ELL2: variants seen among roughly 807,000 people sequenced by gnomAD.
ELL2 encodes the protein elongation factor for RNA polymerase II 2.
In ELL2, 21 loss-of-function variants were observed where a neutral mutation model predicts 72.8. The ratio of observed to expected loss-of-function variants is 0.29; its 90% confidence interval spans 0.20 to 0.42. The LOEUF is 0.42. Among genes scored for constraint, ELL2 ranks in the 10% least tolerant of loss-of-function variants. The pLI, the probability that ELL2 is intolerant of heterozygous loss-of-function variation, is 1.00. For missense variants in ELL2, 568 were observed against 772.8 expected, an observed-to-expected ratio of 0.73 and a Z score of 3.14; for synonymous variants, 266 against 283.2, an observed-to-expected ratio of 0.94 and a Z score of 0.61.
intron 3 of ELL2, among the ~76,000 whole-genome samples, chr5:95,915,534 G>A (rs6889029): frequency 0.33 from 49,464 of 152,152 alleles, 8,688 homozygotes; most frequent in African/African-American, 0.47. Flanking sequence ...GTGTGAAGCA[G>A]AGAGGTTGTG....
intron 9 of ELL2, 47 bp from the exon 10 acceptor site, chr5:95,891,321 A>T (rs759279405): frequency 6.5e-6 from 10 of 1,549,800 alleles, no homozygotes; most frequent in African/African-American, 1.4e-5. Context: ...AATAAACATG[A>T]TTGCACAAGT....
Position 95,887,562 on chromosome 5 carries a change from A to G in ELL2, c.*1309T>C, listed in dbSNP as rs1018658427. On this transcript the variant is annotated 3_prime_UTR_variant, in exon 12 of 12. Transcript: ENST00000237853. Reference sequence around the variant, plus strand: ...GAATCAACATTAATTCAAAATCCTTATATTTTTGACCACATAACTTATGTT... The same window carrying G: ...GAATCAACATTAATTCAAAATCCTTGTATTTTTGACCACATAACTTATGTT... 6.6e-6 allele frequency: 1 copy of G among 152,652 alleles called. No individual in the cohort carries two copies. Among genetic ancestry groups the G allele is most frequent in the African/African-American group, 2.4e-5 (1 of 41,462 alleles). The allele number at this position is 152,652 out of a possible 1,614,324, so 9.5% of individuals were successfully genotyped here.
At chr5:95,919,695 C>T in intron 2 of ELL2, 150 bp from the exon 3 acceptor site, 1 of 899,510 alleles carries the variant, frequency 1.1e-6, no homozygotes, top group Non-Finnish European at 1.6e-6. Flanking sequence ...AATGACCAAA[C>T]AATTCAAGGA....
At position 95,907,294 on chromosome 5, in the gene ELL2, A is replaced by ATTTTTTTTTTTTTTTT. The variant is rs201354039; in HGVS notation, c.482-513_482-512insAAAAAAAAAAAAAAAA. ...CCGTTAGTGATATATATATATATAT[A>ATTTTTTTTTTTTTTTT]TATTTTTTTTTTTTACAGGCCAAGA... On this transcript the variant is annotated intron_variant, in intron 4 of 11. Transcript: ENST00000237853. Among the ~76,000 whole-genome samples the ATTTTTTTTTTTTTTTT allele has an allele frequency of 3.5e-3, 278 of 79,480 alleles. 1 individual carries two copies. Among genetic ancestry groups the ATTTTTTTTTTTTTTTT allele is most frequent in the South Asian group, 0.029 (59 of 2,042 alleles). The allele number at this position is 79,480 out of a possible 152,430, so 52.1% of individuals were successfully genotyped here.
intron 9 of ELL2, among the ~76,000 whole-genome samples, chr5:95,894,314 T>C (rs905626537): frequency 1.3e-5 from 2 of 152,216 alleles, no homozygotes; most frequent in African/African-American, 4.8e-5. Flanking sequence ...GGCAAAAGTT[T>C]AGCATTGTTT....
chr5:95,949,701 A>C (rs1394327488), intron 1 of ELL2, among the ~76,000 whole-genome samples: 1 of 65,450 alleles, frequency 1.5e-5, no homozygotes, highest in Non-Finnish European at 2.6e-5. Context: ...AAGATACTGC[A>C]AAAAAAAAAA....
chr5:95,940,949 T>C (rs1750945801), intron 2 of ELL2, among the ~76,000 whole-genome samples: 2 of 151,748 alleles, frequency 1.3e-5, no homozygotes, highest in Admixed American at 1.3e-4. Context: ...CCCAAAGAGC[T>C]GGGGAGAGCT....
chr5:95,900,940 G>A lies in ELL2; in HGVS notation c.866+16C>T. The A allele has an allele frequency of 1.3e-6, 2 of 1,577,166 alleles. No individual in the cohort carries two copies. Among genetic ancestry groups the A allele is most frequent in the Non-Finnish European group, 1.7e-6 (2 of 1,170,468 alleles). ...TAAAGAAACATTTTTTTAAAAGCAA[G>A]AAAAAAAGAATTCACCTAGAGAGCA... On this transcript the variant is annotated intron_variant, in intron 6 of 11. Transcript: ENST00000237853.
At chr5:95,906,864 T>G in intron 4 of ELL2, 82 bp from the exon 5 acceptor site, 1 of 1,354,500 alleles carries the variant, frequency 7.4e-7, no homozygotes, top group South Asian at 1.9e-5. Flanking sequence ...CTGATTTAGG[T>G]ACCTCTTCAT....
intron 1 of ELL2, among the ~76,000 whole-genome samples, chr5:95,961,040 G>A (rs1426937906): frequency 1.3e-5 from 2 of 151,904 alleles, no homozygotes; most frequent in African/African-American, 2.4e-5. Context: ...TACGTGGAGC[G>A]CCTGTGTCCC....
rs946601848 is a variant in ELL2, at chr5:95,887,339, G to C, written c.*1532C>G. The C allele has an allele frequency of 1.3e-5, 2 of 152,558 alleles. No homozygotes were observed. Among genetic ancestry groups the C allele is most frequent in the African/African-American group, 4.8e-5 (2 of 41,422 alleles). 9.5% of individuals were successfully genotyped at this position (152,558 alleles called of 1,614,324 possible). ...TCTACATGCTCTCTCAAGTTTTCTA[G>C]ATAACCAACATTTTTCTGGTTTACA... On this transcript the variant is annotated 3_prime_UTR_variant, in exon 12 of 12. Coordinates refer to ENST00000237853, the MANE Select transcript of ELL2 (RefSeq NM_012081.6).
chr5:95,929,106 G>A (rs892091308), intron 2 of ELL2, among the ~76,000 whole-genome samples: 1 of 152,138 alleles, frequency 6.6e-6, no homozygotes, highest in Non-Finnish European at 1.5e-5. Flanking sequence ...GGTGCGTTTA[G>A]AAGCCCGCTT....
Position 95,935,584 on chromosome 5 carries a change from T to C in ELL2, c.195+7418A>G, listed in dbSNP as rs116042106. On this transcript the variant is annotated intron_variant, in intron 2 of 11. Coordinates refer to ENST00000237853, the MANE Select transcript of ELL2 (RefSeq NM_012081.6). Reference sequence around the variant, plus strand: ...AAACCCAATAAAATGTCCTTTGGAGTTGCTTTTTGAAAATCCTTTTGTTCC... The same window carrying C: ...AAACCCAATAAAATGTCCTTTGGAGCTGCTTTTTGAAAATCCTTTTGTTCC... 7.6e-3 allele frequency among the ~76,000 whole-genome samples: 1,151 copies of C among 152,260 alleles called. 12 individuals are homozygous for C. The highest frequency in any genetic ancestry group is 0.027 in the African/African-American group (1,107 of 41,542).
At chr5:95,948,356 G>GGAGGCGGAGCTTGCAGT (rs1452789124) in intron 1 of ELL2, among the ~76,000 whole-genome samples, 1 of 149,276 alleles carries the variant, frequency 6.7e-6, no homozygotes, top group Non-Finnish European at 1.5e-5. Context: ...CGTGAACCCG[G>GGAGGCGGAGCTTGCAGT]GAGGCGGAGC....
At chr5:95,890,248 G>A (rs967543638) in intron 10 of ELL2, among the ~76,000 whole-genome samples, 2 of 152,156 alleles carry the variant, frequency 1.3e-5, no homozygotes, top group African/African-American at 4.8e-5. Flanking sequence ...TCGCCAGCTT[G>A]TTGAAAAAGA....
chr5:95,919,399 T>G (rs1348637078), intron 3 of ELL2, 25 bp downstream of exon 3: 2 of 1,569,218 alleles, frequency 1.3e-6, no homozygotes, highest in Non-Finnish European at 1.7e-6. Flanking sequence ...TTTTTCCCCT[T>G]CAGTGTACCT....
Position 95,890,910 on chromosome 5 carries a change from T to G in ELL2, c.1761+193A>C, listed in dbSNP as rs1748637356. 4.5e-5 allele frequency: 29 copies of G among 645,288 alleles called. 1 individual carries two copies. The South Asian group carries it at 5.3e-4, about 12-fold the overall frequency. 40.0% of individuals were successfully genotyped at this position (645,288 alleles called of 1,614,324 possible). A position where few individuals can be genotyped will look rare whatever the true frequency, so the allele number is the denominator to read the frequency against. ...GTGGCACAAGGTTTTTTTCCACTGGTAGAAATACAGGTTTACTATGTTAAT... is the reference window on the plus strand; with the variant it reads ...GTGGCACAAGGTTTTTTTCCACTGGGAGAAATACAGGTTTACTATGTTAAT... On this transcript the variant is annotated intron_variant, in intron 10 of 11. Transcript: ENST00000237853.
intron 1 of ELL2, among the ~76,000 whole-genome samples, chr5:95,947,197 T>TA (rs942404598): frequency 8.2e-4 from 119 of 145,492 alleles, no homozygotes; most frequent in African/African-American, 1.9e-3. Context: ...CGTGCTCAGC[T>TA]AAAAAAAAAA....
At chr5:95,917,066 T>G (rs941387139) in intron 3 of ELL2, among the ~76,000 whole-genome samples, 3 of 152,234 alleles carry the variant, frequency 2.0e-5, no homozygotes, top group African/African-American at 7.2e-5. Context: ...ACCCTGAAAG[T>G]TTAAATATTT....
Sources: gnomAD v4.1 joint callset for allele counts (sites outside exome capture counted in the v4.1 genomes callset) on GRCh38, gnomAD v4.1.1 for gene constraint, MANE v1.5 for transcripts, NCBI Gene and HGNC (gene_info 2026-07-23, HGNC 2026-07-21) for gene names.